ATP9B: variants seen among roughly 807,000 people sequenced by gnomAD.
ATP9B encodes the protein ATPase phospholipid transporting 9B.
A neutral mutation model predicts 146.1 loss-of-function variants in ATP9B; 110 were observed. The ratio of observed to expected loss-of-function variants is 0.75; its 90% CI spans 0.65 to 0.88. ATP9B has a LOEUF of 0.88. ATP9B is among the 40% of genes least tolerant of loss of function. ATP9B has a pLI of 0.00. For synonymous variants in ATP9B, 604 were observed against 569.7 expected (o/e 1.06, Z -0.86); for missense variants, 1,499 against 1,496.4 (o/e 1.00, Z -0.03).
intron 15 of ATP9B, among the ~76,000 whole-genome samples, chr18:79,316,935 T>C (rs1265593907): frequency 6.6e-6 from 1 of 152,200 alleles, no homozygotes; most frequent in African/African-American, 2.4e-5. Context: ...AAACTATCCA[T>C]ATGTAAGAGT....
At chr18:79,260,582 A>T (rs535446633) in intron 12 of ATP9B, among the ~76,000 whole-genome samples, 33 of 152,180 alleles carry the variant, frequency 2.2e-4, no homozygotes, top group South Asian at 6.2e-4. Context: ...TGCACAGGAG[A>T]CCCATCATGT....
chr18:79,167,730 A>G (rs1324304591), intron 7 of ATP9B, among the ~76,000 whole-genome samples: 2 of 152,192 alleles, frequency 1.3e-5, no homozygotes, highest in Admixed American at 1.3e-4. Flanking sequence ...CTGTATGGTC[A>G]TCAATGAAGT....
intron 15 of ATP9B, among the ~76,000 whole-genome samples, chr18:79,315,157 T>C (rs2096672525): frequency 6.6e-6 from 1 of 152,240 alleles, no homozygotes; most frequent in African/African-American, 2.4e-5. Flanking sequence ...TCAGCTATAA[T>C]TAATGACAGA....
intron 12 of ATP9B, among the ~76,000 whole-genome samples, chr18:79,256,284 T>TATATATATATACATATAC (rs1217998447): frequency 8.1e-6 from 1 of 122,896 alleles, no homozygotes. Flanking sequence ...TATATATATA[T>TATATATATATACATATAC]ATACATACAT....
chr18:79,108,667 A>C (rs2075812979), intron 2 of ATP9B, among the ~76,000 whole-genome samples: 1 of 152,126 alleles, frequency 6.6e-6, no homozygotes, highest in African/African-American at 2.4e-5. Context: ...AGCACTGCTT[A>C]AGGGAGCAGT....
chr18:79,069,500 G>T lies in ATP9B; in HGVS notation c.90G>T (p.Gly30=), dbSNP rs1178176651. 19 of 1,454,522 alleles carry T rather than the reference G, an allele frequency of 1.3e-5. No individual in the cohort carries two copies. Among genetic ancestry groups the T allele is most frequent in the Non-Finnish European group, 1.7e-5 (19 of 1,102,308 alleles). The allele number at this position is 1,454,522 out of a possible 1,614,324, so 90.1% of individuals were successfully genotyped here. ...RKRAAYYSAA[G]PRPGADRHSR... ...GCGCGGCCTACTACAGCGCCGCGGGGCCCAGGCCGGGAGCCGACCGGCACA... is the reference window on the plus strand; with the variant it reads ...GCGCGGCCTACTACAGCGCCGCGGGTCCCAGGCCGGGAGCCGACCGGCACA... The change falls in exon 1 of 30, where the codon GGG becomes GGT. Residue 30 remains glycine (G), a synonymous_variant. Coordinates refer to ENST00000426216, the MANE Select transcript of ATP9B (RefSeq NM_198531.5).
chr18:79,338,448 CA>C (rs1376433882), intron 19 of ATP9B, among the ~76,000 whole-genome samples: 1 of 152,248 alleles, frequency 6.6e-6, no homozygotes, highest in Admixed American at 6.5e-5. Context: ...TCCCAGCAGG[CA>C]GTGCCCACCT....
intron 6 of ATP9B, chr18:79,144,935 C>T (rs1426273466): frequency 3.8e-5 from 8 of 210,624 alleles, no homozygotes; most frequent in Admixed American, 2.7e-4. Flanking sequence ...GATCAGTGTA[C>T]GAAGAAGCTA....
In ATP9B at chr18:79,253,559, A is replaced by T; in HGVS notation, c.1268+18A>T. On this transcript the variant is annotated intron_variant, in intron 12 of 29. Coordinates refer to ENST00000426216, the MANE Select transcript of ATP9B (RefSeq NM_198531.5). Reference sequence around the variant, plus strand: ...CCCATAAGGTAAGTTTAAAAATGAAAATAAAACAAATGTCTGGTTTCATTG... The same window carrying T: ...CCCATAAGGTAAGTTTAAAAATGAATATAAAACAAATGTCTGGTTTCATTG... The T allele has an allele frequency of 6.4e-7, 1 of 1,558,594 alleles. No homozygotes were observed. The highest frequency in any genetic ancestry group is 8.6e-7 in the Non-Finnish European group (1 of 1,157,156).
chr18:79,244,674 C>T (rs2095925246), intron 11 of ATP9B, among the ~76,000 whole-genome samples: 1 of 152,098 alleles, frequency 6.6e-6, no homozygotes, highest in South Asian at 2.1e-4. Context: ...AAGAGTGTTT[C>T]TACCCTACCC....
chr18:79,261,858 G>A (rs2096145261), intron 12 of ATP9B, among the ~76,000 whole-genome samples: 1 of 152,250 alleles, frequency 6.6e-6, no homozygotes, highest in Non-Finnish European at 1.5e-5. Flanking sequence ...ATGTCTCCTT[G>A]TCCTACTAAG....
intron 25 of ATP9B, among the ~76,000 whole-genome samples, chr18:79,348,569 C>T (rs896982010): frequency 1.3e-5 from 2 of 152,248 alleles, no homozygotes; most frequent in East Asian, 1.9e-4. Flanking sequence ...TCCTGTTGTG[C>T]GGCGTGGCCA....
Position 79,340,859 on chromosome 18 carries a change from A to T in ATP9B, c.2284-1409A>T, listed in dbSNP as rs2096854375. On this transcript the variant is annotated intron_variant, in intron 19 of 29. Transcript: ENST00000426216. ...TTGAACCTCCGTTTCCAACTAAAAAACTAGCAAACTGCAGTGAAGGTCTTC... is the reference window on the plus strand; with the variant it reads ...TTGAACCTCCGTTTCCAACTAAAAATCTAGCAAACTGCAGTGAAGGTCTTC... Among the ~76,000 whole-genome samples, 3 of 152,218 alleles carry T rather than the reference A, an allele frequency of 2.0e-5. No homozygotes were observed. The South Asian group carries it at 6.2e-4, about 32-fold the overall frequency.
chr18:79,277,778 A>G (rs1310982749), intron 13 of ATP9B, among the ~76,000 whole-genome samples: 2 of 152,220 alleles, frequency 1.3e-5, no homozygotes, highest in East Asian at 3.8e-4. Context: ...TACTATAAGG[A>G]AAGCCACATC....
At chr18:79,198,955 C>G (rs777755564) in intron 9 of ATP9B, among the ~76,000 whole-genome samples, 1 of 151,876 alleles carries the variant, frequency 6.6e-6, no homozygotes, top group African/African-American at 2.4e-5. Flanking sequence ...CTTCCTATAA[C>G]TTTAATTTTT....
intron 9 of ATP9B, among the ~76,000 whole-genome samples, chr18:79,199,877 C>T (rs151122027): frequency 1.3e-5 from 2 of 152,082 alleles, no homozygotes; most frequent in African/African-American, 4.8e-5. Context: ...TGGAAGATCT[C>T]CACGTGTAAT....
chr18:79,199,634 A>G (rs1259778904), intron 9 of ATP9B, among the ~76,000 whole-genome samples: 3 of 152,048 alleles, frequency 2.0e-5, no homozygotes, highest in Non-Finnish European at 4.4e-5. Context: ...GTGGTGGCAC[A>G]TGCCTGTAGT....
chr18:79,272,371 A>T (rs4799027), intron 12 of ATP9B, among the ~76,000 whole-genome samples: 1 of 152,132 alleles, frequency 6.6e-6, no homozygotes, highest in Non-Finnish European at 1.5e-5. Context: ...CACCGTATGC[A>T]TGTATGTATG....
chr18:79,201,595 G>A (rs550589133), intron 9 of ATP9B, among the ~76,000 whole-genome samples: 48 of 152,148 alleles, frequency 3.2e-4, no homozygotes, highest in African/African-American at 1.0e-3. Flanking sequence ...TTTTGAGATG[G>A]AGTCTTGCTG....
Sources: allele counts gnomAD v4.1 joint callset (sites outside exome capture counted in the v4.1 genomes callset), GRCh38; gene constraint gnomAD v4.1.1; transcripts MANE v1.5; gene names NCBI Gene and HGNC (gene_info 2026-07-23, HGNC 2026-07-21).